ACAD11: variants seen among roughly 807,000 people sequenced by gnomAD.
ACAD11 encodes the protein acyl-Coenzyme A dehydrogenase family, member 11.
In ACAD11, 83 loss-of-function variants were observed where a neutral mutation model predicts 102.2. That is an observed-to-expected ratio of 0.81 (90% CI 0.68 to 0.97). The LOEUF is 0.97. ACAD11 is among the 50% of genes least tolerant of loss of function. The pLI, the probability that ACAD11 is intolerant of heterozygous loss-of-function variation, is 0.00. For missense variants in ACAD11, 901 were observed against 951.7 expected (o/e 0.95, Z 0.70); for synonymous variants, 324 against 319.8 (o/e 1.01, Z -0.14).
intron 13 of ACAD11, among the ~76,000 whole-genome samples, chr3:132,596,193 T>C (rs1323189949): frequency 6.6e-6 from 1 of 152,130 alleles, no homozygotes; most frequent in Non-Finnish European, 1.5e-5. Flanking sequence ...GAAAGCTAAA[T>C]ACTGCATGTT....
chr3:132,626,564 GAGA>G, intron 9 of ACAD11, 124 bp downstream of exon 9: 4 of 1,084,634 alleles, frequency 3.7e-6, no homozygotes, highest in South Asian at 3.1e-5. Flanking sequence ...GTTCTAAGGT[GAGA>G]AGAAGAATCT....
At chr3:132,641,560 TGAA>T (rs370839030) in intron 4 of ACAD11, among the ~76,000 whole-genome samples, 6,005 of 99,448 alleles carry the variant, frequency 0.06, 350 homozygotes, top group South Asian at 0.067. Context: ...ATGATGATGA[TGAA>T]GAAGAAGAAG....
chr3:132,659,530 C>T, intron 1 of ACAD11, 73 bp downstream of exon 1: 1 of 1,593,012 alleles, frequency 6.3e-7, no homozygotes, highest in Non-Finnish European at 8.5e-7. Context: ...CTTAGGAAAC[C>T]ACCCAGGGCC....
At chr3:132,613,291 G>T (rs1359128919) in intron 11 of ACAD11, among the ~76,000 whole-genome samples, 1 of 151,798 alleles carries the variant, frequency 6.6e-6, no homozygotes, top group Non-Finnish European at 1.5e-5. Context: ...ACGAGTTAAT[G>T]GGTGCAGCAC....
At chr3:132,583,222 T>C (rs1477279081) in intron 13 of ACAD11, among the ~76,000 whole-genome samples, 2 of 152,196 alleles carry the variant, frequency 1.3e-5, no homozygotes, top group Admixed American at 6.5e-5. Context: ...TTGCCTCAAT[T>C]TCAGACCCTG....
chr3:132,634,781 C>T (rs1016316235), intron 5 of ACAD11, among the ~76,000 whole-genome samples: 1 of 151,968 alleles, frequency 6.6e-6, no homozygotes, highest in Non-Finnish European at 1.5e-5. Context: ...TGGAAACCAT[C>T]ATTTTCAGCA....
At chr3:132,651,478 C>T (rs886532462) in intron 1 of ACAD11, among the ~76,000 whole-genome samples, 1 of 152,198 alleles carries the variant, frequency 6.6e-6, no homozygotes, top group African/African-American at 2.4e-5. Context: ...CTAGGAGTTA[C>T]ACCCTACACT....
rs376107196 is a variant in ACAD11, at chr3:132,585,673, G to A, written c.1622-6115C>T. On this transcript the variant is annotated intron_variant, in intron 13 of 19. Transcript: ENST00000264990. ...AAAACAAACAACCCCATCAAAAAGT[G>A]GGCAAAGGATATGAATAGACACTTC... is the stretch of plus-strand genomic sequence containing the variant. 9.2e-3 allele frequency among the ~76,000 whole-genome samples: 1,394 copies of A among 152,200 alleles called. 8 individuals carry two copies. The highest frequency in any genetic ancestry group is 0.016 in the Non-Finnish European group (1,064 of 68,012).
At position 132,618,673 on chromosome 3, in the gene ACAD11, A is replaced by G. The variant is rs1939501816; in HGVS notation, c.1375T>C (p.Cys459Arg). The change falls in exon 11 of 20, where the codon TGC becomes CGC. Residue 459 changes from cysteine (C) to arginine (R), a missense_variant. Coordinates refer to ENST00000264990, the MANE Select transcript of ACAD11 (RefSeq NM_032169.5). ...YALIAEETGK[C>R]FFAPDVFNCQ... ...TTAAAGACATCTGGAGCAAAAAAGC[A>G]TTTTCCTGTTTCTTCAGCAATCAAG... is the stretch of plus-strand genomic sequence containing the variant. 6.2e-7 allele frequency: 1 copy of G among 1,606,930 alleles called. No homozygotes were observed. Among genetic ancestry groups the G allele is most frequent in the Non-Finnish European group, 8.5e-7 (1 of 1,177,290 alleles).
chr3:132,634,275 C>T (rs1249506108), intron 5 of ACAD11, among the ~76,000 whole-genome samples: 1 of 152,166 alleles, frequency 6.6e-6, no homozygotes, highest in East Asian at 1.9e-4. Flanking sequence ...CAAAAGAAGA[C>T]ATTTATGCAG....
chr3:132,659,311 C>T (rs976114976), intron 1 of ACAD11, among the ~76,000 whole-genome samples: 2 of 152,226 alleles, frequency 1.3e-5, no homozygotes, highest in African/African-American at 4.8e-5. Flanking sequence ...AATTTGTAGC[C>T]TTAATTGCCT....
At chr3:132,612,068 C>T (rs1163376027) in intron 11 of ACAD11, among the ~76,000 whole-genome samples, 1 of 151,900 alleles carries the variant, frequency 6.6e-6, no homozygotes, top group Non-Finnish European at 1.5e-5. Context: ...AGAAATAATG[C>T]CGCATATCTA....
chr3:132,626,392 A>C (rs889892132), intron 9 of ACAD11, among the ~76,000 whole-genome samples: 1 of 144,074 alleles, frequency 6.9e-6, no homozygotes, highest in Non-Finnish European at 1.5e-5. Flanking sequence ...CCATATTTAC[A>C]AAAAAAAAAA....
At chr3:132,570,146 T>C (rs1039603674) in intron 17 of ACAD11, among the ~76,000 whole-genome samples, 2 of 152,134 alleles carry the variant, frequency 1.3e-5, no homozygotes, top group Admixed American at 6.5e-5. Context: ...TGGAAAAATA[T>C]GAAAATCAAA....
chr3:132,575,983 T>C, intron 16 of ACAD11, 57 bp from the exon 17 acceptor site: 1 of 1,586,950 alleles, frequency 6.3e-7, no homozygotes, highest in Non-Finnish European at 8.6e-7. Context: ...CCATTCCTTT[T>C]GTTATTTATA....
intron 3 of ACAD11, 60 bp downstream of exon 3, chr3:132,642,617 T>A (rs1940566949): frequency 1.3e-6 from 2 of 1,486,824 alleles, no homozygotes; most frequent in Admixed American, 2.2e-5. Flanking sequence ...TAATAAAACA[T>A]CTTAATTAAC....
rs768024945 is a variant in ACAD11 at position 132,559,791 on chromosome 3, C to T, written c.2228+42G>A. The T allele has an allele frequency of 2.6e-5, 40 of 1,524,766 alleles. No individual in the cohort carries two copies. In the East Asian group the frequency reaches 3.4e-4, roughly 13 times the overall value. 94.5% of individuals were successfully genotyped at this position (1,524,766 alleles called of 1,614,324 possible). A position where few individuals can be genotyped will look rare whatever the true frequency, so the allele number is the denominator to read the frequency against. ...GGCATCTGTAGATTTTTTACCTCCACGCCTATCAAACGTAGATGATTCTTA... is the reference window on the plus strand; with the variant it reads ...GGCATCTGTAGATTTTTTACCTCCATGCCTATCAAACGTAGATGATTCTTA... On this transcript the variant is annotated intron_variant, in intron 19 of 19. Coordinates refer to ENST00000264990, the MANE Select transcript of ACAD11 (RefSeq NM_032169.5).
At chr3:132,564,363 T>C (rs894152827) in intron 17 of ACAD11, among the ~76,000 whole-genome samples, 1 of 152,228 alleles carries the variant, frequency 6.6e-6, no homozygotes, top group Non-Finnish European at 1.5e-5. Flanking sequence ...AACTGTTTAG[T>C]AGAATTTACC....
chr3:132,565,001 A>G (rs575008137), intron 17 of ACAD11, among the ~76,000 whole-genome samples: 2 of 152,332 alleles, frequency 1.3e-5, no homozygotes, highest in South Asian at 4.1e-4. Context: ...AAAACAAAAC[A>G]AAAACATAAA....
Sources: gnomAD v4.1 joint callset for allele counts (sites outside exome capture counted in the v4.1 genomes callset) on GRCh38, gnomAD v4.1.1 for gene constraint, MANE v1.5 for transcripts, NCBI Gene and HGNC (gene_info 2026-07-23, HGNC 2026-07-21) for gene names.